RO60: variants seen among roughly 807,000 people sequenced by gnomAD.
RO60 encodes the protein Ro60, Y RNA binding protein.
Under a neutral mutation model 55.3 loss-of-function variants are expected in RO60, and 20 were observed. The observed-to-expected ratio is 0.36, with a 90% CI of 0.25 to 0.53. The LOEUF (loss-of-function observed/expected upper bound fraction) is 0.53. Among genes scored for constraint, RO60 ranks in the 20% least tolerant of loss-of-function variants. The pLI is 0.92. For missense variants in RO60, 558 were observed against 646.6 expected, an observed-to-expected ratio of 0.86 and a Z score of 1.49; for synonymous variants, 213 against 213.6, an observed-to-expected ratio of 1.00 and a Z score of 0.02.
rs752805130 is a variant in RO60 at position 193,084,762 on chromosome 1, T to C, written c.*31T>C. ...AGCAGCAGCACGATCCAGAGATCCA[T>C]TGCCATCAGTGATCTCACTAAAAAT... On this transcript the variant is annotated 3_prime_UTR_variant, in exon 9 of 9. Coordinates refer to ENST00000400968, the MANE Select transcript of RO60 (RefSeq NM_001173524.2). 49 of 1,596,032 alleles carry C rather than the reference T, an allele frequency of 3.1e-5. No individual in the cohort carries two copies. The highest frequency in any genetic ancestry group is 3.9e-5 in the Non-Finnish European group (46 of 1,172,976).
chr1:193,070,688 T>C (rs1352608512), intron 2 of RO60: 2 of 353,902 alleles, frequency 5.7e-6, no homozygotes, highest in Non-Finnish European at 1.2e-5. Context: ...TTACAATTAT[T>C]GAGACTAAAT....
rs1196312641 is a variant in RO60 at position 193,082,313 on chromosome 1, T to G, written c.1317+14T>G. ...GCTATGAGTCAGGTAAGAAACTGTG[T>G]TTTTTAAGTTTACTTAGTTAAGTTT... On this transcript the variant is annotated intron_variant, in intron 7 of 8. Transcript: ENST00000400968. 1 of 1,544,828 alleles carries G rather than the reference T, an allele frequency of 6.5e-7. No homozygotes were observed. Among genetic ancestry groups the G allele is most frequent in the African/African-American group, 1.4e-5 (1 of 72,584 alleles).
chr1:193,087,433 T>C lies in RO60; in HGVS notation c.*2702T>C, dbSNP rs552153354. The C allele has an allele frequency of 6.6e-6, 1 of 152,296 alleles. No individual in the cohort carries two copies. The highest frequency in any genetic ancestry group is 6.5e-5 in the Admixed American group (1 of 15,294). 9.4% of individuals were successfully genotyped at this position (152,296 alleles called of 1,614,324 possible). On this transcript the variant is annotated 3_prime_UTR_variant, in exon 9 of 9. Coordinates refer to ENST00000400968, the MANE Select transcript of RO60 (RefSeq NM_001173524.2). Reference sequence around the variant, plus strand: ...TAATTAGTAAAACAAAAACTAATCTTATAATCCCACCCTTTATTAGTTGAA... The same window carrying C: ...TAATTAGTAAAACAAAAACTAATCTCATAATCCCACCCTTTATTAGTTGAA...
In RO60 at chr1:193,069,207, G is replaced by GA; in HGVS notation, c.155dup (p.Leu53ValfsTer4). ...GTGGGACTTATTATATCAAAGAACA[G>GA]AAGTTGGGCCTTGAAAATGCTGAAG... On this transcript the variant is annotated frameshift_variant, in exon 2 of 9. Coordinates refer to ENST00000400968, the MANE Select transcript of RO60 (RefSeq NM_001173524.2). LOFTEE classifies it high-confidence loss of function. The GA allele has an allele frequency of 6.2e-7, 1 of 1,614,228 alleles. No individual in the cohort carries two copies. The highest frequency in any genetic ancestry group is 8.5e-7 in the Non-Finnish European group (1 of 1,180,036).
chr1:193,060,071 G>C (rs991347672), intron 1 of RO60: 27 of 1,305,314 alleles, frequency 2.1e-5, no homozygotes, highest in Non-Finnish European at 2.5e-5. Flanking sequence ...GGCCGACGTC[G>C]AGAGGGCCTG....
In RO60 at chr1:193,086,062, C is replaced by CT. The variant is rs1229596678; in HGVS notation, c.*1332dup. The CT allele has an allele frequency of 7.2e-6, 7 of 972,880 alleles. No individual in the cohort carries two copies. The East Asian group carries it at 8.0e-4, about 111-fold the overall frequency. The allele number at this position is 972,880 out of a possible 1,614,324, so 60.3% of individuals were successfully genotyped here. A position where few individuals can be genotyped will look rare whatever the true frequency, so the allele number is the denominator to read the frequency against. Reference sequence around the variant, plus strand: ...AACCTGTTTGCGTATCTGTTGTTCTCTAAATATTAATTGAAGATTTACTGA... The same window carrying CT: ...AACCTGTTTGCGTATCTGTTGTTCTCTTAAATATTAATTGAAGATTTACTGA... On this transcript the variant is annotated 3_prime_UTR_variant, in exon 9 of 9. Transcript: ENST00000400968.
At chr1:193,075,733 T>C in intron 2 of RO60, 87 bp from the exon 3 acceptor site, 1 of 976,142 alleles carries the variant, frequency 1.0e-6, no homozygotes, top group Non-Finnish European at 1.5e-6. Flanking sequence ...CCAGTTATGT[T>C]GATCATATAA....
At position 193,084,832 on chromosome 1, in the gene RO60, G is replaced by T; in HGVS notation, c.*101G>T. ...AATCTCCACCCAATGAATGATGATG[G>T]TATAGTATGTGCATAATGGAAAGTT... On this transcript the variant is annotated 3_prime_UTR_variant, in exon 9 of 9. Transcript: ENST00000400968. 4 of 1,530,742 alleles carry T rather than the reference G, an allele frequency of 2.6e-6. No homozygotes were observed. In the South Asian group the frequency reaches 5.2e-5, roughly 20 times the overall value. 94.8% of individuals were successfully genotyped at this position (1,530,742 alleles called of 1,614,324 possible).
chr1:193,077,783 C>T (rs1394555167), intron 5 of RO60, among the ~76,000 whole-genome samples: 1 of 152,114 alleles, frequency 6.6e-6, no homozygotes, highest in Non-Finnish European at 1.5e-5. Flanking sequence ...AAGGTCCCAC[C>T]TTCAACATTG....
Position 193,069,501 on chromosome 1 carries a change from G to A in RO60, c.447G>A (p.Arg149=). The A allele has an allele frequency of 6.2e-7, 1 of 1,614,200 alleles. No homozygotes were observed. The highest frequency in any genetic ancestry group is 8.5e-7 in the Non-Finnish European group (1 of 1,180,042). Residue 149 remains arginine (R), a synonymous_variant, in exon 2 of 9, where the codon CGG becomes CGA. Transcript: ENST00000400968. ...MKCGMWGRAL[R]KAIADWYNEK... The stretch of plus-strand genomic sequence containing the variant: ...GTGGCATGTGGGGTCGTGCCCTCCG[G>A]AAGGCTATAGCGGACTGGTACAATG...
At chr1:193,072,571 C>G (rs992282371) in intron 2 of RO60, among the ~76,000 whole-genome samples, 1 of 151,648 alleles carries the variant, frequency 6.6e-6, no homozygotes, top group Non-Finnish European at 1.5e-5. Context: ...AAATATTTAT[C>G]TGTGGTTTTT....
At chr1:193,073,859 G>A (rs1413187724) in intron 2 of RO60, among the ~76,000 whole-genome samples, 2 of 151,566 alleles carry the variant, frequency 1.3e-5, no homozygotes, top group South Asian at 4.2e-4. Context: ...TTAACGTTAC[G>A]TATATCTCCT....
chr1:193,069,598 C>A lies in RO60; in HGVS notation c.544C>A (p.Leu182Ile). 6.2e-7 allele frequency: 1 copy of A among 1,613,822 alleles called. No individual in the cohort carries two copies. The change falls in exon 2 of 9, where the codon CTA (leucine) becomes ATA (isoleucine). Residue 182 changes from leucine (L) to isoleucine (I), a missense_variant. Transcript: ENST00000400968. Reference protein sequence around the residue: ...KQRNGWSHKDLLRLSHLKPSS... With the variant: ...KQRNGWSHKDILRLSHLKPSS... ...GAGAAATGGCTGGTCTCACAAAGAT[C>A]TATTAAGATTGTCACATCTTAAACC...
chr1:193,062,539 A>G (rs1558231811), intron 1 of RO60, among the ~76,000 whole-genome samples: 2 of 152,200 alleles, frequency 1.3e-5, no homozygotes, highest in Non-Finnish European at 2.9e-5. Flanking sequence ...TAATTCACAT[A>G]TCATGAAGTT....
rs1558254219 is a variant in RO60 at position 193,084,061 on chromosome 1, G to T, written c.1465-518G>T. ...TAAACAGTGCATTGTAGTTTCTCAT[G>T]TGTATACATTCAGTGATTGTTGGTT... On this transcript the variant is annotated intron_variant, in intron 8 of 8. Transcript: ENST00000400968. Among the ~76,000 whole-genome samples, 7 of 152,186 alleles carry T rather than the reference G, an allele frequency of 4.6e-5. No individual in the cohort carries two copies. The South Asian group carries it at 1.4e-3, about 31-fold the overall frequency.
At position 193,069,513 on chromosome 1, in the gene RO60, G is replaced by A. The variant is rs367556569; in HGVS notation, c.459G>A (p.Ala153=). 22 of 1,614,054 alleles carry A rather than the reference G, an allele frequency of 1.4e-5. No homozygotes were observed. Among genetic ancestry groups the A allele is most frequent in the Admixed American group, 3.3e-5 (2 of 60,002 alleles). The change falls in exon 2 of 9, where the codon GCG becomes GCA. Residue 153 remains alanine (A), a synonymous_variant. Transcript: ENST00000400968. ...GTCGTGCCCTCCGGAAGGCTATAGC[G>A]GACTGGTACAATGAGAAAGGTGGCA... ...MWGRALRKAI[A]DWYNEKGGMA... is the part of the protein sequence containing the mutation.
In RO60 at chr1:193,069,364, G is replaced by A. The variant is rs202163635; in HGVS notation, c.310G>A (p.Asp104Asn). ...FALAICSQCS[D>N]ISTKQAAFKA... ...ACTTGCCATTTGTTCCCAGTGCTCC[G>A]ACATAAGCACAAAACAAGCAGCATT... The change falls in exon 2 of 9, where the codon GAC becomes AAC. Residue 104 changes from aspartate to asparagine, a missense_variant. Coordinates refer to ENST00000400968, the MANE Select transcript of RO60 (RefSeq NM_001173524.2). 7.0e-5 allele frequency: 113 copies of A among 1,614,140 alleles called. No homozygotes were observed. The highest frequency in any genetic ancestry group is 9.0e-5 in the Non-Finnish European group (106 of 1,180,002).
At chr1:193,072,647 T>C (rs1003374561) in intron 2 of RO60, among the ~76,000 whole-genome samples, 2 of 152,166 alleles carry the variant, frequency 1.3e-5, no homozygotes, top group African/African-American at 4.8e-5. Flanking sequence ...AAATATTTGA[T>C]CCAACATAAG....
Position 193,075,971 on chromosome 1 carries a change from C to T in RO60, c.732C>T (p.Val244=). The change falls in exon 3 of 9, where the codon GTC becomes GTT. Residue 244 remains valine, a synonymous_variant. Coordinates refer to ENST00000400968, the MANE Select transcript of RO60 (RefSeq NM_001173524.2). ...AGCGCACAAGAGATGAGCTAGAAGT[C>T]ATTCATCTAATAGAAGAACATAGAT... is the stretch of plus-strand genomic sequence containing the variant. ...KVKRTRDELE[V]IHLIEEHRLV... is the part of the protein sequence containing the mutation. The T allele has an allele frequency of 6.2e-7, 1 of 1,612,932 alleles. No homozygotes were observed. The highest frequency in any genetic ancestry group is 8.5e-7 in the Non-Finnish European group (1 of 1,179,464).
Sources: gnomAD v4.1 joint callset for allele counts (sites outside exome capture counted in the v4.1 genomes callset) on GRCh38, gnomAD v4.1.1 for gene constraint, MANE v1.5 for transcripts, NCBI Gene and HGNC (gene_info 2026-07-23, HGNC 2026-07-21) for gene names.